The following ZP3 variants were observed in gnomAD, a reference collection of about 807,000 sequenced individuals.
ZP3 encodes the protein zona pellucida sperm-binding protein 3.
A neutral mutation model predicts 35.6 loss-of-function variants in ZP3; 21 were observed. The observed-to-expected ratio is 0.59, with a 90% CI of 0.42 to 0.85. The LOEUF (loss-of-function observed/expected upper bound fraction) is 0.85. Among genes scored for constraint, ZP3 ranks in the 40% least tolerant of loss-of-function variants. ZP3 has a pLI of 0.00. For synonymous variants in ZP3, 207 were observed against 214.5 expected (o/e 0.96, Z 0.31); for missense variants, 437 against 536.5 (o/e 0.81, Z 1.83).
chr7:76,431,217 G>A (rs750394671), intron 2 of ZP3, among the ~76,000 whole-genome samples: 24 of 152,196 alleles, frequency 1.6e-4, no homozygotes, highest in Non-Finnish European at 1.5e-5. Flanking sequence ...GTGCCTATGT[G>A]GGTAGGGGAG....
chr7:76,417,936 CTTTCTT>C (rs1805413735), intron 1 of ZP3, among the ~76,000 whole-genome samples: 5 of 137,766 alleles, frequency 3.6e-5, no homozygotes, highest in African/African-American at 8.6e-5. Flanking sequence ...TTCTTTCTTT[CTTTCTT>C]TTTTTTTTTT....
chr7:76,407,246 C>T (rs1459038651), intron 1 of ZP3, among the ~76,000 whole-genome samples: 2 of 152,164 alleles, frequency 1.3e-5, no homozygotes, highest in Non-Finnish European at 2.9e-5. Context: ...CAGGTGTGAG[C>T]CACCAGGCTT....
intron 1 of ZP3, among the ~76,000 whole-genome samples, chr7:76,412,962 C>CTTTTTTTTTTTTTTTTTT (rs201143080): frequency 8.8e-6 from 1 of 113,760 alleles, no homozygotes; most frequent in Non-Finnish European, 1.7e-5. Context: ...TCTTCTTCTT[C>CTTTTTTTTTTTTTTTTTT]TTCTTTTTTT....
chr7:76,404,616 A>C, intron 1 of ZP3: 1 of 823,098 alleles, frequency 1.2e-6, no homozygotes, highest in Non-Finnish European at 1.9e-6. Flanking sequence ...ACATAGTGAG[A>C]CCCCCATCTC....
chr7:76,421,241 C>T (rs11505770), upstream of ZP3, among the ~76,000 whole-genome samples: 13,069 of 151,774 alleles, frequency 0.086, 1,089 homozygotes, highest in African/African-American at 0.21. Context: ...GCCATTTCCA[C>T]ATTTTTTTGA....
At chr7:76,408,882 AAC>A (rs1381352998) in intron 1 of ZP3, among the ~76,000 whole-genome samples, 7 of 152,194 alleles carry the variant, frequency 4.6e-5, no homozygotes, top group Non-Finnish European at 1.0e-4. Context: ...CCGGCAGCCT[AAC>A]ACAGCGGTTC....
At chr7:76,433,145 T>TTGGTTTTGGA in intron 3 of ZP3, 115 bp downstream of exon 3, 1 of 710,858 alleles carries the variant, frequency 1.4e-6, no homozygotes, top group South Asian at 1.9e-5. Flanking sequence ...TTGGTTTTGG[T>TTGGTTTTGGA]TGGTTTTGGT....
At chr7:76,427,897 C>T (rs534044379) in intron 1 of ZP3, among the ~76,000 whole-genome samples, 2 of 152,162 alleles carry the variant, frequency 1.3e-5, no homozygotes, top group South Asian at 2.1e-4. Context: ...CCAGGCTGGT[C>T]GTGACTTCCT....
chr7:76,417,923 G>GCTTT (rs1157756547), intron 1 of ZP3, among the ~76,000 whole-genome samples: 3 of 148,308 alleles, frequency 2.0e-5, no homozygotes, highest in Non-Finnish European at 3.0e-5. Flanking sequence ...CTTTAATAGT[G>GCTTT]CTTTCTTTCT....
chr7:76,424,662 C>T (rs1446058091), upstream of ZP3, among the ~76,000 whole-genome samples: 2 of 151,976 alleles, frequency 1.3e-5, no homozygotes, highest in African/African-American at 4.8e-5. Context: ...ACAACAAAAA[C>T]AAACAAACCA....
At position 76,440,534 on chromosome 7, in the gene ZP3, G is replaced by T. The variant is rs767534569; in HGVS notation, c.983G>T (p.Gly328Val). The change falls in exon 7 of 8, where the codon GGC (glycine) becomes GTC (valine). Residue 328 changes from glycine (G) to valine (V), a missense_variant. Physicochemically the swap from Gly to Val is moderately radical, Grantham distance 109. This residue lies in a region of ZP3 where 41 missense variants were observed against 50.2 expected (regional missense o/e 0.82). Coordinates refer to ENST00000394857, the MANE Select transcript of ZP3 (RefSeq NM_001110354.2). ...CAATGCTGTAACAAAGGTGACTGTG[G>T]CACTCCAAGCCATTCCAGGAGGCAG... ...ICQCCNKGDCGTPSHSRRQPH... is the reference protein window; with the variant it reads ...ICQCCNKGDCVTPSHSRRQPH... 1.2e-6 allele frequency: 2 copies of T among 1,614,196 alleles called. No homozygotes were observed. Among genetic ancestry groups the T allele is most frequent in the South Asian group, 2.2e-5 (2 of 91,078 alleles).
intron 5 of ZP3, 107 bp from the exon 6 acceptor site, chr7:76,440,143 G>A (rs1455838460): frequency 9.5e-6 from 14 of 1,475,668 alleles, no homozygotes; most frequent in East Asian, 7.3e-5. Context: ...CAATGCACCC[G>A]GCCCCTTCTC....
At chr7:76,437,503 G>T (rs1806057710) in intron 5 of ZP3, among the ~76,000 whole-genome samples, 1 of 147,420 alleles carries the variant, frequency 6.8e-6, no homozygotes, top group Non-Finnish European at 1.5e-5. Flanking sequence ...TTTTTGGGGG[G>T]AAATGGAGTG....
chr7:76,410,946 G>C lies in ZP3; in HGVS notation c.-67+13149G>C, dbSNP rs139688282. On this transcript the variant is annotated intron_variant, in intron 1 of 8. Transcript: ENST00000336517. ...GGAGGTGGAGGTTGCAGTGAGCTGA[G>C]ATCGCACCACTGCACTCCAGCCTGG... 8.1e-3 allele frequency among the ~76,000 whole-genome samples: 1,156 copies of C among 143,016 alleles called. 17 individuals carry two copies. The highest frequency in any genetic ancestry group is 0.029 in the African/African-American group (1,086 of 37,968). The allele number at this position is 143,016 out of a possible 152,430, so 93.8% of individuals were successfully genotyped here. A position where few individuals can be genotyped will look rare whatever the true frequency, so the allele number is the denominator to read the frequency against.
intron 1 of ZP3, among the ~76,000 whole-genome samples, chr7:76,426,320 C>T (rs1805650608): frequency 6.6e-6 from 1 of 152,180 alleles, no homozygotes; most frequent in African/African-American, 2.4e-5. Context: ...GCTGGGCACA[C>T]AGCTCCCCAG....
At position 76,433,206 on chromosome 7, in the gene ZP3, T is replaced by G. The variant is rs544968359; in HGVS notation, c.535+176T>G. ...TCTTGATCTGACCTCCAGGCTGGAG[T>G]GCAGTGGCACGATCTCAGCTCACTG... On this transcript the variant is annotated intron_variant, in intron 3 of 7. Transcript: ENST00000394857. Among the ~76,000 whole-genome samples, 722 of 139,216 alleles carry G rather than the reference T, an allele frequency of 5.2e-3. 4 individuals are homozygous for G. Among genetic ancestry groups the G allele is most frequent in the African/African-American group, 0.017 (668 of 38,738 alleles). 91.3% of individuals were successfully genotyped at this position (139,216 alleles called of 152,430 possible). A position where few individuals can be genotyped will look rare whatever the true frequency, so the allele number is the denominator to read the frequency against.
intron 1 of ZP3, among the ~76,000 whole-genome samples, chr7:76,402,974 G>C (rs10228441): frequency 0.52 from 78,468 of 152,124 alleles, 21,145 homozygotes; most frequent in African/African-American, 0.65. Context: ...GCCTTCATTG[G>C]TTTCTTTAGG....
At chr7:76,422,956 C>T (rs1805540820), upstream of ZP3, among the ~76,000 whole-genome samples, 1 of 148,762 alleles carries the variant, frequency 6.7e-6, no homozygotes, top group Non-Finnish European at 1.5e-5. Flanking sequence ...GAGATAGCAC[C>T]ACTGCACTCC....
chr7:76,412,825 G>A (rs1280430448), intron 1 of ZP3, among the ~76,000 whole-genome samples: 1 of 150,844 alleles, frequency 6.6e-6, no homozygotes, highest in South Asian at 2.1e-4. Flanking sequence ...CTCCAGCCTG[G>A]GCAACAAGAG....
Sources: gnomAD v4.1 joint callset for allele counts (sites outside exome capture counted in the v4.1 genomes callset) on GRCh38, gnomAD v4.1.1 for gene constraint, gnomAD v4.1.1 regional missense constraint, MANE v1.5 for transcripts, NCBI Gene and HGNC (gene_info 2026-07-23, HGNC 2026-07-21) for gene names.